LAMA3: variants seen among roughly 807,000 people sequenced by gnomAD.
LAMA3 encodes laminin subunit alpha-3.
Under a neutral mutation model 402.0 loss-of-function variants are expected in LAMA3, and 281 were observed. The ratio of observed to expected loss-of-function variants is 0.70; its 90% confidence interval spans 0.63 to 0.77. LAMA3 has a LOEUF of 0.77. Among genes scored for constraint, LAMA3 ranks in the 30% least tolerant of loss-of-function variants. LAMA3 has a pLI of 0.00. For synonymous variants in LAMA3, 1,431 were observed against 1,558.4 expected (o/e 0.92, Z 1.93); for missense variants, 3,840 against 4,215.5 (o/e 0.91, Z 2.47).
chr18:23,814,640 T>TC, intron 15 of LAMA3, 138 bp downstream of exon 15: 3 of 659,998 alleles, frequency 4.5e-6, no homozygotes, highest in South Asian at 1.8e-5. Flanking sequence ...TCTGATGTTT[T>TC]CCCCCCACTT....
At chr18:23,925,121 C>T (rs959469148) in intron 62 of LAMA3, among the ~76,000 whole-genome samples, 4 of 152,158 alleles carry the variant, frequency 2.6e-5, no homozygotes, top group African/African-American at 9.7e-5. Flanking sequence ...CCAACGCTTC[C>T]AGAGCAGGGA....
At chr18:23,745,703 G>C (rs2061641419) in intron 2 of LAMA3, among the ~76,000 whole-genome samples, 1 of 152,230 alleles carries the variant, frequency 6.6e-6, no homozygotes. Flanking sequence ...GTCTAAATGA[G>C]AGAATGTTTG....
intron 39 of LAMA3, among the ~76,000 whole-genome samples, chr18:23,878,865 G>C (rs368780335): frequency 6.6e-6 from 1 of 152,118 alleles, no homozygotes. Context: ...CAGGAGTAGC[G>C]GGTAATGTGG....
rs753025275 is a variant in LAMA3, at chr18:23,810,445, T to C, written c.1683T>C (p.Val561=). ...GACAGTGTGAATGTCGGCCAGGAGT[T>C]ACAGGACAGCGGTGTGACAGGTGTC... ...VTGQCECRPG[V]TGQRCDRCLS... Residue 561 remains valine, a synonymous_variant, in exon 13 of 75, where the codon GTT becomes GTC. Transcript: ENST00000313654. 2.8e-5 allele frequency: 45 copies of C among 1,614,034 alleles called. No individual in the cohort carries two copies. The highest frequency in any genetic ancestry group is 3.4e-6 in the Non-Finnish European group (4 of 1,180,040).
At chr18:23,751,438 G>A (rs1281542506) in intron 5 of LAMA3, among the ~76,000 whole-genome samples, 1 of 152,146 alleles carries the variant, frequency 6.6e-6, no homozygotes, top group African/African-American at 2.4e-5. Context: ...TTTAACATGG[G>A]TCAGCAGGTA....
chr18:23,909,292 TAAG>T lies in LAMA3; in HGVS notation c.7156_7158del (p.Lys2386del). 1 of 1,611,600 alleles carries T rather than the reference TAAG, an allele frequency of 6.2e-7. No homozygotes were observed. The highest frequency in any genetic ancestry group is 8.5e-7 in the Non-Finnish European group (1 of 1,179,940). ...TTCAGCAGGCCAGAGATGCTGCCAG[TAAG>T]GTGAGTGTGTCCCCACGTGGTCAGT... On this transcript the variant is annotated inframe_deletion and splice_region_variant, in exon 55 of 75. Transcript: ENST00000313654.
chr18:23,918,673 A>G lies in LAMA3; in HGVS notation c.7923+1978A>G, dbSNP rs934725840. 5.9e-5 allele frequency among the ~76,000 whole-genome samples: 9 copies of G among 152,192 alleles called. No individual in the cohort carries two copies. The highest frequency in any genetic ancestry group is 2.2e-4 in the African/African-American group (9 of 41,456). ...GCGTGATGTTTGCTGCTTTATACCTATAGCCGGCCTGGAGTTGAACCCTCC... is the reference window on the plus strand; with the variant it reads ...GCGTGATGTTTGCTGCTTTATACCTGTAGCCGGCCTGGAGTTGAACCCTCC... On this transcript the variant is annotated intron_variant, in intron 60 of 74. Transcript: ENST00000313654. The surrounding 1 kb of genome is among the most constrained non-coding windows in gnomAD (Gnocchi z 4.1).
chr18:23,891,337 T>A (rs2080656399), intron 42 of LAMA3, among the ~76,000 whole-genome samples: 1 of 152,230 alleles, frequency 6.6e-6, no homozygotes. Context: ...TCTTTCTCCC[T>A]GAAATATGAG....
intron 27 of LAMA3, among the ~76,000 whole-genome samples, chr18:23,841,092 A>G (rs936027422): frequency 4.6e-5 from 7 of 152,234 alleles, no homozygotes; most frequent in African/African-American, 1.4e-4. Flanking sequence ...GATCTGAGCG[A>G]CAGAATCAAA....
intron 8 of LAMA3, 84 bp downstream of exon 8, chr18:23,763,607 A>G: frequency 1.1e-6 from 1 of 890,914 alleles, no homozygotes; most frequent in Non-Finnish European, 1.9e-6. Flanking sequence ...AGATGTCAAG[A>G]AAGTGGCAGG....
At chr18:23,933,389 A>T (rs1154234) in intron 66 of LAMA3, among the ~76,000 whole-genome samples, 148,090 of 152,284 alleles carry the variant, frequency 0.97, 72,128 homozygotes, top group East Asian at 1. Context: ...TGTAATTTTT[A>T]AAAAAATCAT....
rs2061500825 is a variant in LAMA3, at chr18:23,737,813, CTATT to C, written c.448-10127_448-10124del. Among the ~76,000 whole-genome samples, 7 of 152,372 alleles carry C rather than the reference CTATT, an allele frequency of 4.6e-5. No individual in the cohort carries two copies. The South Asian group carries it at 1.2e-3, about 27-fold the overall frequency. On this transcript the variant is annotated intron_variant, in intron 2 of 74. Coordinates refer to ENST00000313654, the MANE Select transcript of LAMA3 (RefSeq NM_198129.4). ...AAGGCCACGTGCATTCTAGACTTGA[CTATT>C]TAATCACTCTTGTGAGGAGTGTTTT...
chr18:23,703,660 T>G (rs76882388), intron 1 of LAMA3, among the ~76,000 whole-genome samples: 2 of 150,946 alleles, frequency 1.3e-5, no homozygotes, highest in African/African-American at 2.4e-5. Flanking sequence ...AAAAAAAAGG[T>G]GTGTGTGTGT....
At chr18:23,803,418 A>G (rs972636166) in intron 12 of LAMA3, among the ~76,000 whole-genome samples, 3 of 152,202 alleles carry the variant, frequency 2.0e-5, no homozygotes, top group South Asian at 2.1e-4. Context: ...CCACTGGACA[A>G]TGATAGAAGT....
At chr18:23,920,212 G>C (rs1264985726) in intron 60 of LAMA3, among the ~76,000 whole-genome samples, 2 of 152,338 alleles carry the variant, frequency 1.3e-5, no homozygotes, top group South Asian at 4.1e-4. Flanking sequence ...AGGCAGGCTT[G>C]GCAGCCTGTA....
At chr18:23,812,157 G>GC (rs1372568811) in intron 13 of LAMA3, among the ~76,000 whole-genome samples, 2 of 151,802 alleles carry the variant, frequency 1.3e-5, no homozygotes, top group Non-Finnish European at 2.9e-5. Context: ...ACAGGCGTGA[G>GC]CCACCACTCC....
At chr18:23,771,852 A>C (rs1440216759) in intron 8 of LAMA3, among the ~76,000 whole-genome samples, 1 of 152,178 alleles carries the variant, frequency 6.6e-6, no homozygotes, top group African/African-American at 2.4e-5. Flanking sequence ...AGAGTAATGA[A>C]AGAAGAAAGC....
chr18:23,913,219 A>G (rs1007497704), intron 56 of LAMA3, among the ~76,000 whole-genome samples: 1 of 152,118 alleles, frequency 6.6e-6, no homozygotes, highest in Non-Finnish European at 1.5e-5. Context: ...TTGACACCAC[A>G]CCACCAGGGA....
intron 2 of LAMA3, among the ~76,000 whole-genome samples, chr18:23,745,944 CAA>C (rs1207373908): frequency 6.6e-6 from 1 of 152,096 alleles, no homozygotes; most frequent in African/African-American, 2.4e-5. Flanking sequence ...GAGAGATGTG[CAA>C]AGAGTTTTTA....
Sources: gnomAD v4.1 joint callset for allele counts (sites outside exome capture counted in the v4.1 genomes callset) on GRCh38, gnomAD v4.1.1 for gene constraint, Gnocchi (gnomAD v3.1) non-coding constraint, MANE v1.5 for transcripts, NCBI Gene and HGNC (gene_info 2026-07-23, HGNC 2026-07-21) for gene names.